The following OTUD7A variants were observed in gnomAD, a reference collection of about 807,000 sequenced individuals.
The protein encoded by OTUD7A is OTU domain-containing protein 7A.
OTUD7A carries 12 observed loss-of-function variants against 65.7 expected under a neutral mutation model. The observed-to-expected ratio is 0.18, with a 90% CI of 0.12 to 0.30. OTUD7A has a LOEUF of 0.30. OTUD7A is among the 10% of genes least tolerant of loss of function. OTUD7A has a pLI of 1.00. For synonymous variants in OTUD7A, 641 were observed against 586.3 expected (o/e 1.09, Z -1.35); for missense variants, 1,148 against 1,304.8 (o/e 0.88, Z 1.85).
intron 1 of OTUD7A, among the ~76,000 whole-genome samples, chr15:31,817,133 C>T (rs1320731994): frequency 6.6e-6 from 1 of 152,044 alleles, no homozygotes; most frequent in Non-Finnish European, 1.5e-5. Flanking sequence ...CACCGTTTCC[C>T]TGGGTCCTCT....
chr15:31,672,877 G>C (rs1402413921), intron 1 of OTUD7A, among the ~76,000 whole-genome samples: 2 of 152,186 alleles, frequency 1.3e-5, no homozygotes, highest in Non-Finnish European at 2.9e-5. Context: ...ATAGCAGTAA[G>C]TGTAGGACCT....
At chr15:31,548,566 C>G (rs1036531100) in intron 5 of OTUD7A, among the ~76,000 whole-genome samples, 6 of 152,174 alleles carry the variant, frequency 3.9e-5, no homozygotes, top group Non-Finnish European at 7.4e-5. Flanking sequence ...CCCCAAGTCT[C>G]TTCTGCCTGT....
chr15:31,573,994 A>G (rs1195957597), intron 3 of OTUD7A, among the ~76,000 whole-genome samples: 1 of 152,220 alleles, frequency 6.6e-6, no homozygotes, highest in Admixed American at 6.5e-5. Flanking sequence ...AACAATAAGA[A>G]CAGACAAAAG....
At chr15:31,630,259 T>C (rs1195311959) in intron 3 of OTUD7A, among the ~76,000 whole-genome samples, 1 of 149,052 alleles carries the variant, frequency 6.7e-6, no homozygotes, top group Admixed American at 6.7e-5. Flanking sequence ...ACACACCGCT[T>C]TGAATGTGTC....
chr15:31,483,609 C>T lies in OTUD7A; in HGVS notation c.2487G>A (p.Thr829=), dbSNP rs758052961. 15,843 of 1,217,542 alleles carry T rather than the reference C, an allele frequency of 0.013. 143 individuals are homozygous for T. Among genetic ancestry groups the T allele is most frequent in the Non-Finnish European group, 0.014 (13,783 of 982,396 alleles). 75.4% of individuals were successfully genotyped at this position (1,217,542 alleles called of 1,614,324 possible). The change falls in exon 13 of 13, where the codon ACG becomes ACA. Residue 829 remains threonine (T), a synonymous_variant. Coordinates refer to ENST00000307050, the MANE Select transcript of OTUD7A (RefSeq NM_001382637.1). Reference sequence around the variant, plus strand: ...GCACCGCGCGCGCCAGCGACTCGACCGTGTTGACGGTGCGCAGGGCGGCGG... The same window carrying T: ...GCACCGCGCGCGCCAGCGACTCGACTGTGTTGACGGTGCGCAGGGCGGCGG... The part of the protein sequence containing the change: ...ARAAALRTVN[T]VESLARAVPG...
chr15:31,760,780 A>G (rs1233085647), intron 1 of OTUD7A, among the ~76,000 whole-genome samples: 1 of 152,162 alleles, frequency 6.6e-6, no homozygotes, highest in Non-Finnish European at 1.5e-5. Flanking sequence ...GAGGACTCAC[A>G]TTTTCTGACT....
intron 3 of OTUD7A, among the ~76,000 whole-genome samples, chr15:31,622,499 T>C (rs1221374808): frequency 1.3e-5 from 2 of 152,226 alleles, no homozygotes; most frequent in Admixed American, 6.5e-5. Flanking sequence ...CTCTTCTTGC[T>C]TCATATCATT....
At chr15:31,725,681 T>A (rs1158914862) in intron 1 of OTUD7A, among the ~76,000 whole-genome samples, 1 of 152,224 alleles carries the variant, frequency 6.6e-6, no homozygotes, top group Non-Finnish European at 1.5e-5. Context: ...AAGCTACACG[T>A]GGCTCTGTAA....
chr15:31,773,417 G>A (rs1194051206), intron 1 of OTUD7A, among the ~76,000 whole-genome samples: 2 of 152,208 alleles, frequency 1.3e-5, no homozygotes, highest in Admixed American at 6.5e-5. Context: ...CCCATTTATA[G>A]ATGGTGCCTT....
chr15:31,605,220 T>C lies in OTUD7A; in HGVS notation c.152-35023A>G, dbSNP rs576616703. Among the ~76,000 whole-genome samples the C allele has an allele frequency of 3.9e-5, 6 of 152,250 alleles. No individual in the cohort carries two copies. In the East Asian group the frequency reaches 1.2e-3, roughly 29 times the overall value. On this transcript the variant is annotated intron_variant, in intron 3 of 12. Coordinates refer to ENST00000307050, the MANE Select transcript of OTUD7A (RefSeq NM_001382637.1). ...GGGGGAATGGGTGGTAAATATGTTA[T>C]GTGGCATGTGTGTGGCAGGTGTGTG...
At chr15:31,580,192 G>A (rs887091512) in intron 3 of OTUD7A, among the ~76,000 whole-genome samples, 2 of 152,188 alleles carry the variant, frequency 1.3e-5, no homozygotes, top group African/African-American at 2.4e-5. Flanking sequence ...TACATTCAAG[G>A]TACTGAGGTC....
chr15:31,638,826 T>TA (rs1435467688), intron 3 of OTUD7A, among the ~76,000 whole-genome samples: 7 of 152,124 alleles, frequency 4.6e-5, no homozygotes, highest in Non-Finnish European at 7.4e-5. Flanking sequence ...ATACCATACA[T>TA]ATATACCACT....
At chr15:31,731,278 ACAGCAG>A (rs1894035331) in intron 1 of OTUD7A, among the ~76,000 whole-genome samples, 2 of 152,220 alleles carry the variant, frequency 1.3e-5, no homozygotes, top group Non-Finnish European at 2.9e-5. Flanking sequence ...GCAGATGTTT[ACAGCAG>A]ATTTATTCAT....
chr15:31,822,302 G>A (rs957416997), intron 1 of OTUD7A, among the ~76,000 whole-genome samples: 8 of 152,192 alleles, frequency 5.3e-5, no homozygotes, highest in South Asian at 2.1e-4. Context: ...TTCCCAAAGC[G>A]CTGCTCTCTG....
chr15:31,507,521 A>G (rs1365761424), intron 8 of OTUD7A, among the ~76,000 whole-genome samples: 2 of 152,156 alleles, frequency 1.3e-5, no homozygotes, highest in South Asian at 4.1e-4. Flanking sequence ...TACACCTCTT[A>G]AGTGTGGCAC....
intron 3 of OTUD7A, among the ~76,000 whole-genome samples, chr15:31,597,655 G>C (rs905644719): frequency 6.6e-6 from 1 of 152,152 alleles, no homozygotes. Flanking sequence ...GGGCCTGCAA[G>C]CCCTCCAGCT....
intron 1 of OTUD7A, among the ~76,000 whole-genome samples, chr15:31,742,594 C>A (rs1259051708): frequency 1.3e-5 from 2 of 151,964 alleles, no homozygotes; most frequent in Non-Finnish European, 2.9e-5. Context: ...AGAACTAAAC[C>A]TAAACATATA....
In OTUD7A at chr15:31,857,670, T is replaced by C. The variant is rs566145193; in HGVS notation, c.-100+12837A>G. ...CACATGCTCCAGGGCGGGGATGACA[T>C]GTGACTCCAGACTGCCCCCCACGTC... On this transcript the variant is annotated intron_variant, in intron 1 of 12. Transcript: ENST00000307050. Among the ~76,000 whole-genome samples the C allele has an allele frequency of 2.0e-5, 3 of 152,282 alleles. 1 individual carries two copies. The highest frequency in any genetic ancestry group is 4.1e-4 in the South Asian group (2 of 4,820).
At position 31,811,506 on chromosome 15, in the gene OTUD7A, T is replaced by C. The variant is rs1392124892; in HGVS notation, c.-100+59001A>G. Among the ~76,000 whole-genome samples, 5 of 152,122 alleles carry C rather than the reference T, an allele frequency of 3.3e-5. No homozygotes were observed. The East Asian group carries it at 9.7e-4, about 29-fold the overall frequency. On this transcript the variant is annotated intron_variant, in intron 1 of 12. Coordinates refer to ENST00000307050, the MANE Select transcript of OTUD7A (RefSeq NM_001382637.1). ...GTAGCGTGATGTGTATGTAAGTGCATGGGTATGTGTATGACATCTGTGGGG... is the reference window on the plus strand; with the variant it reads ...GTAGCGTGATGTGTATGTAAGTGCACGGGTATGTGTATGACATCTGTGGGG...
Sources: gnomAD v4.1 joint callset for allele counts (sites outside exome capture counted in the v4.1 genomes callset) on GRCh38, gnomAD v4.1.1 for gene constraint, MANE v1.5 for transcripts, NCBI Gene and HGNC (gene_info 2026-07-23, HGNC 2026-07-21) for gene names.